Variants in UBE4B observed in about 807,000 individuals in gnomAD.
UBE4B encodes the protein ubiquitin conjugation factor E4 B.
UBE4B carries 27 observed loss-of-function variants against 148.1 expected under a neutral mutation model. The observed-to-expected ratio is 0.18, with a 90% CI of 0.13 to 0.25. The LOEUF is 0.25. Among genes scored for constraint, UBE4B ranks in the 10% least tolerant of loss-of-function variants. UBE4B has a pLI of 1.00. For synonymous variants in UBE4B, 596 were observed against 619.3 expected (o/e 0.96, Z 0.56); for missense variants, 1,170 against 1,662.4 (o/e 0.70, Z 5.15).
At chr1:10,071,952 T>G (rs1027473932) in intron 1 of UBE4B, 76 bp from the exon 2 acceptor site, 6 of 1,441,014 alleles carry the variant, frequency 4.2e-6, no homozygotes, top group Admixed American at 5.4e-5. Context: ...GGTTTGGTTA[T>G]GAATAATGTC....
chr1:10,040,678 C>T (rs1359850594), intron 1 of UBE4B, among the ~76,000 whole-genome samples: 2 of 150,998 alleles, frequency 1.3e-5, no homozygotes, highest in African/African-American at 2.4e-5. Flanking sequence ...AGTGCAATGG[C>T]GCGATCTCAG....
chr1:10,101,653 C>G (rs750386577), intron 4 of UBE4B, among the ~76,000 whole-genome samples: 1 of 151,798 alleles, frequency 6.6e-6, no homozygotes, highest in Admixed American at 6.6e-5. Flanking sequence ...GGACTACAGG[C>G]GCCCGCCACC....
At chr1:10,083,828 C>T (rs919834409) in intron 2 of UBE4B, among the ~76,000 whole-genome samples, 3 of 152,118 alleles carry the variant, frequency 2.0e-5, no homozygotes, top group African/African-American at 7.2e-5. Context: ...GGCCTTCGGG[C>T]CCCCAAAGGG....
chr1:10,042,765 G>A (rs1355397351), intron 1 of UBE4B, among the ~76,000 whole-genome samples: 1 of 152,198 alleles, frequency 6.6e-6, no homozygotes, highest in Non-Finnish European at 1.5e-5. Context: ...TGGCCTACAG[G>A]TACAGAGAAC....
At position 10,084,654 on chromosome 1, in the gene UBE4B, G is replaced by A. The variant is rs375970794; in HGVS notation, c.212-10807G>A. Among the ~76,000 whole-genome samples, 76 of 151,750 alleles carry A rather than the reference G, an allele frequency of 5.0e-4. 1 individual carries two copies. The South Asian group carries it at 0.011, about 23-fold the overall frequency. The stretch of plus-strand genomic sequence containing the variant: ...TGGGACTACACTGGGAGTTTTCTTC[G>A]CCATCTCCCTTTAGTTTTCCTTTTT... On this transcript the variant is annotated intron_variant, in intron 2 of 27. Transcript: ENST00000343090.
At position 10,168,383 on chromosome 1, in the gene UBE4B, A is replaced by G. The variant is rs762549981; in HGVS notation, c.3333+113A>G. 7.3e-5 allele frequency: 106 copies of G among 1,443,686 alleles called. No homozygotes were observed. The highest frequency in any genetic ancestry group is 7.3e-4 in the Middle Eastern group (4 of 5,460). 89.4% of individuals were successfully genotyped at this position (1,443,686 alleles called of 1,614,324 possible). On this transcript the variant is annotated intron_variant, in intron 24 of 27. Coordinates refer to ENST00000343090, the MANE Select transcript of UBE4B (RefSeq NM_001105562.3). The surrounding 1 kb of genome is among the most constrained non-coding windows in gnomAD (Gnocchi z 4.9). ...GGAAATTTTAGGATCACAGTCATCAATAAGTGAAATTCTGTGACTGATTTT... is the reference window on the plus strand; with the variant it reads ...GGAAATTTTAGGATCACAGTCATCAGTAAGTGAAATTCTGTGACTGATTTT...
intron 7 of UBE4B, among the ~76,000 whole-genome samples, chr1:10,112,928 T>A (rs1246699830): frequency 6.6e-6 from 1 of 152,214 alleles, no homozygotes; most frequent in Admixed American, 6.5e-5. Flanking sequence ...GATGCTACAT[T>A]TCCTGTTTGG....
rs576055583 is a variant in UBE4B at position 10,048,701 on chromosome 1, C to T, written c.24+15007C>T. On this transcript the variant is annotated intron_variant, in intron 1 of 27. Transcript: ENST00000343090. ...ACCAAGACGTGACTATGGGATTTGG[C>T]GACATGGAGGCCCTTGGTTACCTTG... Among the ~76,000 whole-genome samples the T allele has an allele frequency of 1.2e-4, 18 of 152,036 alleles. No individual in the cohort carries two copies. In the South Asian group the frequency reaches 1.7e-3, roughly 14 times the overall value.
At chr1:10,060,217 A>G (rs1033028874) in intron 1 of UBE4B, among the ~76,000 whole-genome samples, 2 of 152,162 alleles carry the variant, frequency 1.3e-5, no homozygotes, top group Admixed American at 6.5e-5. Flanking sequence ...TGTGAACACT[A>G]TAGGGTATAG....
intron 1 of UBE4B, among the ~76,000 whole-genome samples, chr1:10,069,800 C>T (rs373977149): frequency 3.3e-5 from 5 of 152,004 alleles, no homozygotes; most frequent in Admixed American, 6.6e-5. Flanking sequence ...TCCCCTCGGC[C>T]GATGATTTCA....
intron 21 of UBE4B, among the ~76,000 whole-genome samples, chr1:10,154,115 T>C (rs796454614): frequency 1.8e-4 from 27 of 152,142 alleles, no homozygotes; most frequent in African/African-American, 5.8e-4. Context: ...TGGTGGCATG[T>C]GCCTGTAGTC....
At chr1:10,118,866 G>GTTTTTTT (rs1420083978) in intron 8 of UBE4B, among the ~76,000 whole-genome samples, 1 of 82,496 alleles carries the variant, frequency 1.2e-5, no homozygotes, top group African/African-American at 5.3e-5. Flanking sequence ...GGCCAGGCTG[G>GTTTTTTT]TCTTTTTTTT....
chr1:10,155,463 C>T (rs565227418), intron 21 of UBE4B, among the ~76,000 whole-genome samples: 1 of 152,292 alleles, frequency 6.6e-6, no homozygotes, highest in East Asian at 1.9e-4. Context: ...GCAGCAACCT[C>T]GCAGATGCCC....
chr1:10,051,712 C>T (rs1199646891), intron 1 of UBE4B, among the ~76,000 whole-genome samples: 2 of 152,020 alleles, frequency 1.3e-5, no homozygotes, highest in Non-Finnish European at 2.9e-5. Flanking sequence ...AAAGGGGACT[C>T]GAGGAGTCCC....
At chr1:10,110,197 T>C (rs1323424777) in intron 7 of UBE4B, among the ~76,000 whole-genome samples, 2 of 152,226 alleles carry the variant, frequency 1.3e-5, no homozygotes, top group East Asian at 3.8e-4. Flanking sequence ...GTGGATTCGA[T>C]GTCTTATAAA....
Position 10,168,509 on chromosome 1 carries a change from G to A in UBE4B, c.3333+239G>A, listed in dbSNP as rs545009187. ...TACAGCCACTTCCAAATGCCTTACTGCACTTTGTGCTTAGACAGTACATTG... is the reference window on the plus strand; with the variant it reads ...TACAGCCACTTCCAAATGCCTTACTACACTTTGTGCTTAGACAGTACATTG... On this transcript the variant is annotated intron_variant, in intron 24 of 27. Coordinates refer to ENST00000343090, the MANE Select transcript of UBE4B (RefSeq NM_001105562.3). The surrounding 1 kb of genome is among the most constrained non-coding windows in gnomAD (Gnocchi z 4.9). Among the ~76,000 whole-genome samples, 1 of 152,348 alleles carries A rather than the reference G, an allele frequency of 6.6e-6. No individual in the cohort carries two copies. Among genetic ancestry groups the A allele is most frequent in the African/African-American group, 2.4e-5 (1 of 41,570 alleles).
At chr1:10,175,484 T>C (rs1045813839) in intron 25 of UBE4B, among the ~76,000 whole-genome samples, 2 of 144,590 alleles carry the variant, frequency 1.4e-5, no homozygotes, top group African/African-American at 5.6e-5. Flanking sequence ...ACCCCATCTC[T>C]ACTAAAAATA....
rs1269423592 is a variant in UBE4B, at chr1:10,035,398, T to A, written c.24+1704T>A. On this transcript the variant is annotated intron_variant, in intron 1 of 27. Coordinates refer to ENST00000343090, the MANE Select transcript of UBE4B (RefSeq NM_001105562.3). ...TTAAGGCAGAGATACTGTTTTTTTT[T>A]TTTTTTTTTTTTTTTTGAGGCGGAG... 2.2e-5 allele frequency among the ~76,000 whole-genome samples: 3 copies of A among 134,666 alleles called. No homozygotes were observed. The South Asian group carries it at 7.6e-4, about 34-fold the overall frequency. The allele number at this position is 134,666 out of a possible 152,430, so 88.3% of individuals were successfully genotyped here. A position where few individuals can be genotyped will look rare whatever the true frequency, so the allele number is the denominator to read the frequency against.
At chr1:10,138,287 C>T (rs1043947671) in intron 17 of UBE4B, among the ~76,000 whole-genome samples, 4 of 151,866 alleles carry the variant, frequency 2.6e-5, no homozygotes, top group African/African-American at 4.8e-5. Flanking sequence ...TTAGTAGAGA[C>T]GGGGTTTCAC....
Sources: allele counts gnomAD v4.1 joint callset (sites outside exome capture counted in the v4.1 genomes callset), GRCh38; gene constraint gnomAD v4.1.1; non-coding constraint Gnocchi (gnomAD v3.1); transcripts MANE v1.5; gene names NCBI Gene and HGNC (gene_info 2026-07-23, HGNC 2026-07-21).